SPG7: variants seen among roughly 807,000 people sequenced by gnomAD.
SPG7 encodes mitochondrial inner membrane m-AAA protease component paraplegin.
Under a neutral mutation model 81.9 loss-of-function variants are expected in SPG7, and 103 were observed. The observed-to-expected ratio is 1.26, with a 90% CI of 1.07 to 1.48. The LOEUF (loss-of-function observed/expected upper bound fraction) is 1.48. Among genes scored for constraint, SPG7 ranks in the 40% most tolerant of loss-of-function variants. SPG7 has a pLI of 0.00. For missense variants in SPG7, 1,241 were observed against 1,087.3 expected, an observed-to-expected ratio of 1.14 and a Z score of -1.99; for synonymous variants, 534 against 444.2, an observed-to-expected ratio of 1.20 and a Z score of -2.54.
chr16:89,554,423 T>C (rs1031481535), intron 15 of SPG7, 63 bp from the exon 16 acceptor site: 2 of 1,139,456 alleles, frequency 1.8e-6, no homozygotes, highest in East Asian at 2.4e-5. Flanking sequence ...ATTTCTTTTC[T>C]GTGCTTTGGT....
In SPG7 at chr16:89,513,038, G is replaced by C. The variant is rs746053679; in HGVS notation, c.376+1G>C. ...GGGAAGGCGCCTGAAGAGGACGAAG[G>C]TATATTCATCTGATGTTCTTCAGTC... On this transcript the variant is annotated splice_donor_variant, in intron 3 of 16. Transcript: ENST00000645818. LOFTEE classifies it high-confidence loss of function. 2 of 1,604,132 alleles carry C rather than the reference G, an allele frequency of 1.2e-6. No homozygotes were observed. Among genetic ancestry groups the C allele is most frequent in the Non-Finnish European group, 8.5e-7 (1 of 1,174,250 alleles).
At position 89,532,615 on chromosome 16, in the gene SPG7, C is replaced by T; in HGVS notation, c.1303C>T (p.Gln435Ter). The T allele has an allele frequency of 6.2e-7, 1 of 1,613,710 alleles. No homozygotes were observed. The highest frequency in any genetic ancestry group is 1.3e-5 in the African/African-American group (1 of 75,060). Reference protein sequence around the residue: ...SNTEEEQTLNQLLVEMDGMGT... With the variant: ...SNTEEEQTLN ...CACGGAGGAGGAGCAGACGCTCAAC[C>T]AGCTTCTGGTAGAAATGGATGGTCA... The change falls in exon 9 of 17, where the codon CAG (glutamine) becomes TAG (stop). Residue 435 changes from glutamine to a stop codon, truncating the protein, a stop_gained. Transcript: ENST00000645818. LOFTEE classifies it high-confidence loss of function.
intron 9 of SPG7, chr16:89,536,625 G>C: frequency 1.0e-6 from 1 of 965,536 alleles, no homozygotes; most frequent in South Asian, 1.4e-5. Flanking sequence ...AGGCGGGTGA[G>C]GGCGGGTGAG....
chr16:89,537,999 T>G (rs2058449118), intron 9 of SPG7: 1 of 154,494 alleles, frequency 6.5e-6, no homozygotes, highest in Non-Finnish European at 1.4e-5. Context: ...CGACTGCCCC[T>G]GTACTTCCCT....
intron 5 of SPG7, chr16:89,529,188 T>C: frequency 2.1e-6 from 1 of 467,262 alleles, no homozygotes. Context: ...AAACAAAATA[T>C]ACTGAAAATA....
chr16:89,529,642 C>G, intron 6 of SPG7, 63 bp downstream of exon 6: 1 of 1,249,530 alleles, frequency 8.0e-7, no homozygotes, highest in Non-Finnish European at 1.2e-6. Context: ...AATACTTTTC[C>G]CATAAGCTAT....
At chr16:89,545,016 G>T (rs768229505) in intron 10 of SPG7, 4 of 566,572 alleles carry the variant, frequency 7.1e-6, no homozygotes, top group Non-Finnish European at 1.3e-5. Flanking sequence ...CCCAATGGCT[G>T]CACTCACTGC....
At chr16:89,527,537 C>G (rs974192196) in intron 5 of SPG7, among the ~76,000 whole-genome samples, 4 of 152,220 alleles carry the variant, frequency 2.6e-5, no homozygotes, top group African/African-American at 9.6e-5. Context: ...CAAGGAGGAC[C>G]GTGATAATGT....
At chr16:89,537,803 T>G (rs1567920609) in intron 9 of SPG7, 1 of 983,508 alleles carries the variant, frequency 1.0e-6, no homozygotes. Flanking sequence ...GAAGCTGGGG[T>G]CCTGGTCCTG....
intron 4 of SPG7, among the ~76,000 whole-genome samples, chr16:89,524,929 A>G (rs1453545273): frequency 1.3e-5 from 2 of 150,560 alleles, no homozygotes; most frequent in East Asian, 1.9e-4. Flanking sequence ...CTCAGGATTC[A>G]GAATGCTTTT....
At chr16:89,524,391 T>C in intron 4 of SPG7, 144 bp downstream of exon 4, 1 of 921,826 alleles carries the variant, frequency 1.1e-6, no homozygotes, top group Admixed American at 2.3e-5. Flanking sequence ...GAGGGCATGC[T>C]TCTTTCTCAT....
chr16:89,552,106 C>T (rs953074733), intron 13 of SPG7: 6 of 152,140 alleles, frequency 3.9e-5, no homozygotes, highest in African/African-American at 1.4e-4. Context: ...TTGCCCAGAC[C>T]GGAGTCCAGT....
chr16:89,547,862 C>T lies in SPG7; in HGVS notation c.1553-141C>T. 4.1e-6 allele frequency: 3 copies of T among 734,402 alleles called. No individual in the cohort carries two copies. The Admixed American group carries it at 5.5e-5, about 13-fold the overall frequency. 45.5% of individuals were successfully genotyped at this position (734,402 alleles called of 1,614,324 possible). A position where few individuals can be genotyped will look rare whatever the true frequency, so the allele number is the denominator to read the frequency against. On this transcript the variant is annotated intron_variant, in intron 11 of 16. Coordinates refer to ENST00000645818, the MANE Select transcript of SPG7 (RefSeq NM_003119.4). Reference sequence around the variant, plus strand: ...TCCTGACCTCAGGTGATCTGCCCACCTCAGCCTCCCAAAGTGCTGGGATTA... The same window carrying T: ...TCCTGACCTCAGGTGATCTGCCCACTTCAGCCTCCCAAAGTGCTGGGATTA...
chr16:89,529,202 A>C (rs2058307951), intron 5 of SPG7: 3 of 510,354 alleles, frequency 5.9e-6, no homozygotes, highest in Non-Finnish European at 1.1e-5. Flanking sequence ...GAAAATAGAA[A>C]AACCTGAACG....
intron 13 of SPG7, chr16:89,552,363 G>C (rs1336500369): frequency 1.9e-5 from 3 of 158,098 alleles, no homozygotes; most frequent in African/African-American, 7.2e-5. Flanking sequence ...GCCCAGCCTA[G>C]TTTTAGATTT....
chr16:89,536,420 T>C (rs911288976), intron 9 of SPG7, among the ~76,000 whole-genome samples: 4 of 151,502 alleles, frequency 2.6e-5, no homozygotes, highest in Non-Finnish European at 5.9e-5. Flanking sequence ...GCAGAGCACC[T>C]TGGGTTCTGG....
chr16:89,518,279 T>C (rs761372407), intron 3 of SPG7: 1 of 152,240 alleles, frequency 6.6e-6, no homozygotes, highest in Non-Finnish European at 1.5e-5. Flanking sequence ...TTGCCAGCCG[T>C]GCAGAATGAT....
chr16:89,542,644 C>G (rs1299816492), intron 9 of SPG7, among the ~76,000 whole-genome samples: 1 of 152,150 alleles, frequency 6.6e-6, no homozygotes, highest in African/African-American at 2.4e-5. Context: ...CTGTCCAGAC[C>G]TGGCGGCTAC....
chr16:89,519,550 T>C (rs2058156664), intron 3 of SPG7: 1 of 150,744 alleles, frequency 6.6e-6, no homozygotes, highest in Non-Finnish European at 1.5e-5. Flanking sequence ...CTGGCTGATT[T>C]TTTGTATTTT....
Sources: allele counts gnomAD v4.1 joint callset (sites outside exome capture counted in the v4.1 genomes callset), GRCh38; gene constraint gnomAD v4.1.1; transcripts MANE v1.5; gene names NCBI Gene and HGNC (gene_info 2026-07-23, HGNC 2026-07-21).